LRRIQ1: variants seen among roughly 807,000 people sequenced by gnomAD.
The protein encoded by LRRIQ1 is leucine-rich repeat- and IQ domain-containing protein 1.
A neutral mutation model predicts 211.9 loss-of-function variants in LRRIQ1; 210 were observed. That is an observed-to-expected ratio of 0.99 (90% CI 0.89 to 1.11). LRRIQ1 has a LOEUF of 1.11. LRRIQ1 is among the 50% of genes most tolerant of loss of function. The pLI is 0.00. For synonymous variants in LRRIQ1, 699 were observed against 650.1 expected (o/e 1.08, Z -1.14); for missense variants, 2,136 against 1,939.5 (o/e 1.10, Z -1.90).
chr12:85,138,727 A>G (rs1247243679), intron 19 of LRRIQ1, among the ~76,000 whole-genome samples: 2 of 151,588 alleles, frequency 1.3e-5, no homozygotes, highest in Admixed American at 6.6e-5. Flanking sequence ...CTGTAATTCC[A>G]TAATTTAAAA....
intron 2 of LRRIQ1, among the ~76,000 whole-genome samples, chr12:85,039,391 T>A (rs1049216095): frequency 1.3e-5 from 2 of 151,598 alleles, no homozygotes; most frequent in African/African-American, 2.4e-5. Flanking sequence ...TCCAGGTAGC[T>A]TAGAATTCTA....
At chr12:85,139,757 A>C (rs1801759304) in intron 19 of LRRIQ1, among the ~76,000 whole-genome samples, 1 of 151,434 alleles carries the variant, frequency 6.6e-6, no homozygotes, top group Admixed American at 6.6e-5. Flanking sequence ...ATCATACCTT[A>C]ATCAAAAGGA....
In LRRIQ1 at chr12:85,152,400, G is replaced by A. The variant is rs180739147; in HGVS notation, c.4419+31G>A. On this transcript the variant is annotated intron_variant, in intron 20 of 26. Coordinates refer to ENST00000393217, the MANE Select transcript of LRRIQ1 (RefSeq NM_001079910.2). ...ATGTCATGGAAACTTCTGAGTCCTC[G>A]ATCTTTGCTCATTTCTTAAGGTTAT... 4.6e-4 allele frequency: 701 copies of A among 1,531,766 alleles called. 2 individuals are homozygous for A. Among genetic ancestry groups the A allele is most frequent in the African/African-American group, 2.6e-3 (186 of 72,686 alleles). The allele number at this position is 1,531,766 out of a possible 1,614,324, so 94.9% of individuals were successfully genotyped here. A position where few individuals can be genotyped will look rare whatever the true frequency, so the allele number is the denominator to read the frequency against.
intron 24 of LRRIQ1, 115 bp downstream of exon 24, chr12:85,160,829 G>T: frequency 2.4e-6 from 1 of 420,316 alleles, no homozygotes; most frequent in Non-Finnish European, 3.9e-6. Flanking sequence ...AAAGAATTAT[G>T]TATAACATAT....
Position 85,072,967 on chromosome 12 carries a change from G to T in LRRIQ1, c.2756G>T (p.Gly919Val), listed in dbSNP as rs1237497598. 1.9e-6 allele frequency: 3 copies of T among 1,612,298 alleles called. No individual in the cohort carries two copies. Among genetic ancestry groups the T allele is most frequent in the Non-Finnish European group, 2.5e-6 (3 of 1,179,068 alleles). ...VDNAGFCHHLGTSTSYLSLAQ... is the reference protein window; with the variant it reads ...VDNAGFCHHLVTSTSYLSLAQ... ...AATGCAGGGTTCTGCCATCACTTGG[G>T]CACCTCCACTTCTTACTTATCCCTG... The change falls in exon 11 of 27, where the codon GGC (glycine) becomes GTC (valine). Residue 919 changes from glycine to valine, a missense_variant. Physicochemically the swap from Gly to Val is moderately radical, Grantham distance 109 (BLOSUM62 -3). Coordinates refer to ENST00000393217, the MANE Select transcript of LRRIQ1 (RefSeq NM_001079910.2).
At chr12:85,065,877 C>T (rs567081361) in intron 9 of LRRIQ1, among the ~76,000 whole-genome samples, 14 of 151,950 alleles carry the variant, frequency 9.2e-5, no homozygotes, top group African/African-American at 3.1e-4. Flanking sequence ...CAGGATTGTC[C>T]GGAAGATGGG....
At chr12:85,244,645 T>C (rs891388072) in intron 26 of LRRIQ1, 144 bp from the exon 27 acceptor site, 12 of 720,626 alleles carry the variant, frequency 1.7e-5, no homozygotes, top group Admixed American at 9.1e-5. Flanking sequence ...TTGTTCTGCC[T>C]GGGCAGCAAT....
intron 11 of LRRIQ1, 32 bp downstream of exon 11, chr12:85,073,130 C>CT: frequency 1.3e-6 from 2 of 1,505,744 alleles, no homozygotes; most frequent in South Asian, 2.4e-5. Flanking sequence ...TTTTGTTACT[C>CT]TTTATGGATT....
Position 85,183,315 on chromosome 12 carries a change from T to A in LRRIQ1, c.4822+22601T>A, listed in dbSNP as rs571442450. Among the ~76,000 whole-genome samples, 16 of 152,236 alleles carry A rather than the reference T, an allele frequency of 1.1e-4. No homozygotes were observed. In the South Asian group the frequency reaches 2.1e-3, roughly 20 times the overall value. ...TTTCTTCTATCACTTTTCATACATT[T>A]TTGAAGTGTTTTTTCCAGCGACAAG... On this transcript the variant is annotated intron_variant, in intron 24 of 26. Coordinates refer to ENST00000393217, the MANE Select transcript of LRRIQ1 (RefSeq NM_001079910.2).
chr12:85,117,540 T>C (rs1295765103), intron 15 of LRRIQ1, among the ~76,000 whole-genome samples: 2 of 152,196 alleles, frequency 1.3e-5, no homozygotes, highest in African/African-American at 4.8e-5. Flanking sequence ...GACCTCCTTT[T>C]TTCACATTCA....
chr12:85,103,537 C>A (rs953917862), intron 13 of LRRIQ1, among the ~76,000 whole-genome samples: 3 of 151,644 alleles, frequency 2.0e-5, no homozygotes, highest in African/African-American at 4.8e-5. Context: ...GTAGTAATTT[C>A]TCCTGTTGAA....
At chr12:85,136,624 G>A (rs2136540874) in intron 18 of LRRIQ1, among the ~76,000 whole-genome samples, 1 of 151,864 alleles carries the variant, frequency 6.6e-6, no homozygotes, top group Middle Eastern at 3.4e-3. Flanking sequence ...GTTAACAAAG[G>A]TTGTGGGTGA....
chr12:85,104,055 T>A lies in LRRIQ1; in HGVS notation c.3261T>A (p.Asp1087Glu). The A allele has an allele frequency of 1.9e-6, 3 of 1,559,568 alleles. No individual in the cohort carries two copies. The highest frequency in any genetic ancestry group is 2.6e-6 in the Non-Finnish European group (3 of 1,152,048). ...LFHFVSLEKL[D>E]VSHNCLSDLK... is the part of the protein sequence containing the mutation. Reference sequence around the variant, plus strand: ...ATTTTGTTTCATTGGAAAAGCTAGATGTCAGCCACAATTGTCTTTCTGGTA... The same window carrying A: ...ATTTTGTTTCATTGGAAAAGCTAGAAGTCAGCCACAATTGTCTTTCTGGTA... Residue 1087 changes from aspartate (D) to glutamate (E), a missense_variant, in exon 14 of 27, where the codon GAT becomes GAA. Asp to Glu is a conservative substitution (Grantham distance 45). Coordinates refer to ENST00000393217, the MANE Select transcript of LRRIQ1 (RefSeq NM_001079910.2).
At position 85,171,060 on chromosome 12, in the gene LRRIQ1, C is replaced by T. The variant is rs200794574; in HGVS notation, c.4822+10346C>T. On this transcript the variant is annotated intron_variant, in intron 24 of 26. Transcript: ENST00000393217. ...ATTATTGAACAAGAGAAACAAGAGACGATGTAAGTAGAGCCAATGAGACTT... is the reference window on the plus strand; with the variant it reads ...ATTATTGAACAAGAGAAACAAGAGATGATGTAAGTAGAGCCAATGAGACTT... Among the ~76,000 whole-genome samples the T allele has an allele frequency of 1.8e-4, 28 of 151,976 alleles. No individual in the cohort carries two copies. The South Asian group carries it at 3.3e-3, about 18-fold the overall frequency.
rs780853139 is a variant in LRRIQ1, at chr12:85,127,822, CT to C, written c.4008-9del. ...AAAAAAGTGTGTGTTTTTTTTTCTCCTCTTAATAGTATGGCAGCTGTGGTAA... is the reference window on the plus strand; with the variant it reads ...AAAAAAGTGTGTGTTTTTTTTTCTCCCTTAATAGTATGGCAGCTGTGGTAA... On this transcript the variant is annotated splice_polypyrimidine_tract_variant and intron_variant, in intron 17 of 26. Transcript: ENST00000393217. 8 of 1,606,524 alleles carry C rather than the reference CT, an allele frequency of 5.0e-6. No individual in the cohort carries two copies. The highest frequency in any genetic ancestry group is 5.9e-6 in the Non-Finnish European group (7 of 1,177,298).
intron 15 of LRRIQ1, among the ~76,000 whole-genome samples, chr12:85,121,166 C>T (rs189217495): frequency 2.2e-3 from 329 of 152,000 alleles, no homozygotes; most frequent in African/African-American, 7.8e-3. Flanking sequence ...AGATTTTTAC[C>T]TTTATAATCC....
At chr12:85,212,218 G>A (rs546110182) in intron 24 of LRRIQ1, among the ~76,000 whole-genome samples, 5 of 152,148 alleles carry the variant, frequency 3.3e-5, no homozygotes, top group Admixed American at 3.3e-4. Context: ...CCAGGAGATG[G>A]AGGCTGCAGA....
At chr12:85,078,637 A>G (rs1408804315) in intron 11 of LRRIQ1, among the ~76,000 whole-genome samples, 2 of 152,070 alleles carry the variant, frequency 1.3e-5, no homozygotes, top group Non-Finnish European at 2.9e-5. Flanking sequence ...TTTCTGTTAA[A>G]TTGACCAGTT....
At chr12:85,245,525 T>TTA (rs1354184812), downstream of LRRIQ1, among the ~76,000 whole-genome samples, 5 of 149,228 alleles carry the variant, frequency 3.4e-5, no homozygotes, top group Non-Finnish European at 4.5e-5. Flanking sequence ...AACATATTTG[T>TTA]TATATATATG....
Sources: gnomAD v4.1 joint callset for allele counts (sites outside exome capture counted in the v4.1 genomes callset) on GRCh38, gnomAD v4.1.1 for gene constraint, MANE v1.5 for transcripts, NCBI Gene and HGNC (gene_info 2026-07-23, HGNC 2026-07-21) for gene names.